The following MOK variants were observed in gnomAD, a reference collection of about 807,000 sequenced individuals.
The protein encoded by MOK is MAPK/MAK/MRK overlapping kinase.
Under a neutral mutation model 54.2 loss-of-function variants are expected in MOK, and 59 were observed. The observed-to-expected ratio is 1.09, with a 90% CI of 0.88 to 1.35. The LOEUF (loss-of-function observed/expected upper bound fraction) is 1.35, where lower values mean the gene tolerates loss of function less well. MOK is among the 40% of genes most tolerant of loss of function. The pLI is 0.00. For synonymous variants in MOK, 210 were observed against 202.7 expected, an observed-to-expected ratio of 1.04 and a Z score of -0.31; for missense variants, 517 against 526.2, an observed-to-expected ratio of 0.98 and a Z score of 0.17.
rs2072638630 is a variant in MOK at position 102,305,026 on chromosome 14, C to T, written c.-58G>A. 1 of 1,591,410 alleles carries T rather than the reference C, an allele frequency of 6.3e-7. No homozygotes were observed. Among genetic ancestry groups the T allele is most frequent in the African/African-American group, 1.3e-5 (1 of 74,676 alleles). On this transcript the variant is annotated 5_prime_UTR_variant, in exon 1 of 12. Transcript: ENST00000361847. ...CGACACTGGACGGAAAAGAAAGAAG[C>T]AGGAAGGTTGTCCCCCTGCTTTCCA...
intron 2 of MOK, among the ~76,000 whole-genome samples, chr14:102,281,027 A>G (rs899464489): frequency 6.6e-6 from 1 of 152,148 alleles, no homozygotes; most frequent in Non-Finnish European, 1.5e-5. Context: ...TGTCTCTACA[A>G]AAATACAAAA....
chr14:102,251,663 G>T, intron 6 of MOK, 93 bp downstream of exon 6: 1 of 1,019,410 alleles, frequency 9.8e-7, no homozygotes. Flanking sequence ...CGCATGGACT[G>T]AAAGTTCCTC....
chr14:102,226,494 T>G, downstream of MOK: 1 of 699,696 alleles, frequency 1.4e-6, no homozygotes, highest in Non-Finnish European at 2.6e-6. The surrounding 1 kb of genome is among the most constrained non-coding windows in gnomAD (Gnocchi z 4.8). Flanking sequence ...GCTTTCCAGT[T>G]TGGGGTGGCA....
downstream of MOK, chr14:102,225,882 C>T (rs2153076356): frequency 5.4e-6 from 1 of 183,610 alleles, no homozygotes; most frequent in South Asian, 1.1e-4. Context: ...GACTAGCTTC[C>T]CTGGTACGAT....
chr14:102,222,769 G>C (rs1270566642), downstream of MOK: 14 of 1,590,958 alleles, frequency 8.8e-6, no homozygotes, highest in East Asian at 2.9e-4. This position sits in a 1 kb window ranked among gnomAD's most constrained non-coding sequence, Gnocchi z 4.4. Context: ...CGGAGGGCGC[G>C]CATGGTGGCT....
chr14:102,217,505 TA>T, the MOK span, among the ~76,000 whole-genome samples: 5 of 152,158 alleles, frequency 3.3e-5, no homozygotes, highest in Non-Finnish European at 5.9e-5. Flanking sequence ...GTGGACAGGT[TA>T]AAGCTGGCAG....
intron 4 of MOK, among the ~76,000 whole-genome samples, chr14:102,263,187 G>A (rs559510482): frequency 2.6e-5 from 4 of 152,342 alleles, no homozygotes; most frequent in South Asian, 4.1e-4. Context: ...ACAGAATGTC[G>A]AGCAACAGCA....
intron 1 of MOK, among the ~76,000 whole-genome samples, chr14:102,297,924 C>A (rs1009945470): frequency 6.6e-6 from 1 of 152,210 alleles, no homozygotes; most frequent in Non-Finnish European, 1.5e-5. Flanking sequence ...CTGCTACCCA[C>A]GAGGCAGGGC....
At chr14:102,222,996 G>A (rs940773221), downstream of MOK, 7 of 1,291,072 alleles carry the variant, frequency 5.4e-6, no homozygotes, top group Non-Finnish European at 6.7e-6. The surrounding 1 kb of genome is among the most constrained non-coding windows in gnomAD (Gnocchi z 4.4). Context: ...GGCGGTGGAC[G>A]TCGGCGATAG....
chr14:102,228,623 C>T (rs952617956), downstream of MOK, among the ~76,000 whole-genome samples: 1 of 143,944 alleles, frequency 6.9e-6, no homozygotes, highest in East Asian at 2.2e-4. Flanking sequence ...CCCTTGAACC[C>T]GGGAGGTGGA....
chr14:102,256,039 G>A (rs956397993), intron 4 of MOK, among the ~76,000 whole-genome samples: 4 of 152,218 alleles, frequency 2.6e-5, no homozygotes, highest in Admixed American at 1.3e-4. Flanking sequence ...CCCAGCACAC[G>A]CCCCTCCAGC....
In MOK at chr14:102,273,169, CA is replaced by C. The variant is rs913861744; in HGVS notation, c.123-7258del. ...TGGGCAACAGAGCAAAACTCCGTCT[CA>C]AAAAAAAAAGTCATCAACATTGGGA... On this transcript the variant is annotated intron_variant, in intron 2 of 11. Coordinates refer to ENST00000361847, the MANE Select transcript of MOK (RefSeq NM_014226.3). Among the ~76,000 whole-genome samples the C allele has an allele frequency of 5.2e-3, 711 of 136,668 alleles. 6 individuals are homozygous for C. The highest frequency in any genetic ancestry group is 0.018 in the African/African-American group (650 of 37,138). 89.7% of individuals were successfully genotyped at this position (136,668 alleles called of 152,430 possible).
In MOK at chr14:102,229,551, T is replaced by C; in HGVS notation, c.1088A>G (p.Tyr363Cys). 6.2e-7 allele frequency: 1 copy of C among 1,614,018 alleles called. No individual in the cohort carries two copies. The highest frequency in any genetic ancestry group is 2.2e-5 in the East Asian group (1 of 44,862). ...KLSGVVRLSS[Y>C]SSPTLQSVLG... ...CACGGACTGCAGCGTGGGGCTGGAG[T>C]AAGACGACAGTCTGACCACTCCCGA... The change falls in exon 11 of 12, where the codon TAC becomes TGC. Residue 363 changes from tyrosine (Y) to cysteine (C), a missense_variant. Coordinates refer to ENST00000361847, the MANE Select transcript of MOK (RefSeq NM_014226.3).
chr14:102,301,139 C>G (rs909161957), intron 1 of MOK, among the ~76,000 whole-genome samples: 8 of 152,110 alleles, frequency 5.3e-5, no homozygotes, highest in Non-Finnish European at 8.8e-5. Flanking sequence ...CAGCTCCAGC[C>G]ACCATCTGAG....
At chr14:102,299,113 C>T (rs1454516281) in intron 1 of MOK, among the ~76,000 whole-genome samples, 1 of 152,174 alleles carries the variant, frequency 6.6e-6, no homozygotes, top group East Asian at 1.9e-4. Context: ...AACCCACCAA[C>T]TGCGGACACA....
intron 4 of MOK, among the ~76,000 whole-genome samples, chr14:102,255,022 A>C (rs112338059): frequency 9.2e-4 from 140 of 152,304 alleles, no homozygotes; most frequent in Middle Eastern, 3.4e-3. Context: ...CAATCTTCAT[A>C]ATCACCTAGA....
At position 102,229,126 on chromosome 14, in the gene MOK, C is replaced by T; in HGVS notation, c.*163G>A. 2 of 674,570 alleles carry T rather than the reference C, an allele frequency of 3.0e-6. No homozygotes were observed. The highest frequency in any genetic ancestry group is 4.9e-6 in the Non-Finnish European group (2 of 411,722). The allele number at this position is 674,570 out of a possible 1,614,324, so 41.8% of individuals were successfully genotyped here. On this transcript the variant is annotated 3_prime_UTR_variant, in exon 12 of 12. Transcript: ENST00000361847. ...GAACATCCTAGGCAGCTGCGCGGGC[C>T]GCGGGTGCGGCAGGGCGCAGGGCAG...
rs1421640072 is a variant in MOK at position 102,238,894 on chromosome 14, C to A, written c.591-5105G>T. Among the ~76,000 whole-genome samples the A allele has an allele frequency of 1.3e-5, 2 of 152,194 alleles. No individual in the cohort carries two copies. Among genetic ancestry groups the A allele is most frequent in the Non-Finnish European group, 2.9e-5 (2 of 68,038 alleles). ...TCCATTCCCCATCTATTCCTACACA[C>A]CAGCTAAGAGGAACACTCCCAGGGG... On this transcript the variant is annotated intron_variant, in intron 7 of 11. Transcript: ENST00000361847. This position sits in a 1 kb window ranked among gnomAD's most constrained non-coding sequence, Gnocchi z 4.8.
intron 7 of MOK, among the ~76,000 whole-genome samples, chr14:102,241,094 G>A (rs960430963): frequency 2.0e-5 from 3 of 152,144 alleles, no homozygotes; most frequent in African/African-American, 4.8e-5. Flanking sequence ...ATGGTCTGAG[G>A]TGCCTGACGT....
Sources: gnomAD v4.1 joint callset for allele counts (sites outside exome capture counted in the v4.1 genomes callset) on GRCh38, gnomAD v4.1.1 for gene constraint, Gnocchi (gnomAD v3.1) non-coding constraint, MANE v1.5 for transcripts, NCBI Gene and HGNC (gene_info 2026-07-23, HGNC 2026-07-21) for gene names.